The following CNTN6 variants were observed in gnomAD, a reference collection of about 807,000 sequenced individuals.
CNTN6 encodes contactin-6.
Under a neutral mutation model 122.8 loss-of-function variants are expected in CNTN6, and 137 were observed. The ratio of observed to expected loss-of-function variants is 1.12; its 90% CI spans 0.97 to 1.29. The LOEUF (loss-of-function observed/expected upper bound fraction) is 1.29. Among genes scored for constraint, CNTN6 ranks in the 50% most tolerant of loss-of-function variants. CNTN6 has a pLI of 0.00. For synonymous variants in CNTN6, 570 were observed against 426.0 expected (o/e 1.34, Z -4.16); for missense variants, 1,634 against 1,223.4 (o/e 1.34, Z -5.01).
chr3:1,375,278 A>G (rs1709697388), intron 16 of CNTN6, among the ~76,000 whole-genome samples: 1 of 152,020 alleles, frequency 6.6e-6, no homozygotes, highest in African/African-American at 2.4e-5. Flanking sequence ...TTACATTTTC[A>G]TAGCAAAGTT....
At chr3:1,356,165 A>C (rs1376192760) in intron 12 of CNTN6, among the ~76,000 whole-genome samples, 1 of 151,802 alleles carries the variant, frequency 6.6e-6, no homozygotes, top group Non-Finnish European at 1.5e-5. Flanking sequence ...TAAAAGGAGA[A>C]ATTATTTGAT....
intron 20 of CNTN6, 180 bp from the exon 21 acceptor site, chr3:1,401,253 C>A (rs890906771): frequency 7.4e-6 from 4 of 538,470 alleles, no homozygotes; most frequent in South Asian, 2.2e-5. Flanking sequence ...CCCAAATGAC[C>A]AGATTTGAAT....
At chr3:1,325,331 C>G (rs1175108082) in intron 8 of CNTN6, among the ~76,000 whole-genome samples, 1 of 151,794 alleles carries the variant, frequency 6.6e-6, no homozygotes, top group Non-Finnish European at 1.5e-5. Flanking sequence ...ACCAAAATGC[C>G]AGGAAGCTCA....
rs533155055 is a variant in CNTN6, at chr3:1,392,065, C to T, written c.2704+6268C>T. 2.7e-3 allele frequency among the ~76,000 whole-genome samples: 409 copies of T among 152,234 alleles called. 2 individuals are homozygous for T. The highest frequency in any genetic ancestry group is 8.9e-3 in the African/African-American group (369 of 41,520). ...AATTGGAAAAAACTACTTTAAAGTT[C>T]ATATGGAACCAAAAAAGAGCCCGCA... On this transcript the variant is annotated intron_variant, in intron 20 of 22. Transcript: ENST00000446702.
chr3:1,163,903 C>T (rs1157324657), intron 2 of CNTN6, among the ~76,000 whole-genome samples: 1 of 152,226 alleles, frequency 6.6e-6, no homozygotes, highest in Non-Finnish European at 1.5e-5. Context: ...ATTTAAACTA[C>T]TGCTTCTTTT....
chr3:1,352,387 A>G lies in CNTN6; in HGVS notation c.1428A>G (p.Ser476=). The change falls in exon 12 of 23, where the codon TCA becomes TCG. Residue 476 remains serine (S), a synonymous_variant. Transcript: ENST00000446702. ...ATATTACCAGGTCAGATGCTGGATCATATACATGCATAGCCACAAATCAGT... is the reference window on the plus strand; with the variant it reads ...ATATTACCAGGTCAGATGCTGGATCGTATACATGCATAGCCACAAATCAGT... ...IYNITRSDAG[S]YTCIATNQFG... 6.2e-7 allele frequency: 1 copy of G among 1,606,134 alleles called. No individual in the cohort carries two copies. Among genetic ancestry groups the G allele is most frequent in the Non-Finnish European group, 8.5e-7 (1 of 1,174,848 alleles).
chr3:1,136,542 C>T (rs1368487517), intron 1 of CNTN6, among the ~76,000 whole-genome samples: 1 of 152,148 alleles, frequency 6.6e-6, no homozygotes, highest in Admixed American at 6.5e-5. Flanking sequence ...TTTAGCCTTG[C>T]ATTTTGCATA....
chr3:1,323,746 A>G (rs1701171404), intron 8 of CNTN6, among the ~76,000 whole-genome samples: 1 of 151,802 alleles, frequency 6.6e-6, no homozygotes, highest in Non-Finnish European at 1.5e-5. Context: ...ACCAGTCAAT[A>G]TGGCAGAAAA....
chr3:1,260,557 CAAA>C (rs2094828786), intron 4 of CNTN6, among the ~76,000 whole-genome samples: 1 of 151,974 alleles, frequency 6.6e-6, no homozygotes, highest in Non-Finnish European at 1.5e-5. Context: ...TCAAATAAAA[CAAA>C]AACTGAGGTG....
intron 10 of CNTN6, among the ~76,000 whole-genome samples, chr3:1,328,688 G>A (rs1258025611): frequency 6.6e-6 from 1 of 151,752 alleles, no homozygotes; most frequent in Non-Finnish European, 1.5e-5. Flanking sequence ...AAGATCAGAA[G>A]TAAAAACATG....
intron 1 of CNTN6, among the ~76,000 whole-genome samples, chr3:1,134,003 C>CTT (rs5846090): frequency 2.1e-4 from 32 of 151,702 alleles, no homozygotes; most frequent in Admixed American, 2.0e-4. Flanking sequence ...GCCAGTTAAT[C>CTT]TTTTTTTTCA....
At chr3:1,218,110 G>A (rs955913641) in intron 2 of CNTN6, among the ~76,000 whole-genome samples, 3 of 152,148 alleles carry the variant, frequency 2.0e-5, no homozygotes, top group Non-Finnish European at 2.9e-5. Context: ...AGGCATCCAT[G>A]CAGGGCAGGG....
intron 19 of CNTN6, among the ~76,000 whole-genome samples, chr3:1,383,698 A>G (rs1692301399): frequency 6.6e-6 from 1 of 152,244 alleles, no homozygotes; most frequent in Admixed American, 6.5e-5. Context: ...CAGCAGTGTT[A>G]CAGTTTTGAA....
At position 1,258,020 on chromosome 3, in the gene CNTN6, T is replaced by G. The variant is rs574724177; in HGVS notation, c.359-20393T>G. On this transcript the variant is annotated intron_variant, in intron 4 of 22. Transcript: ENST00000446702. ...TTTTAACCTGATTTATTTGGCTATA[T>G]GTTTGCCCCCTCTGCATTTCCTATA... is the stretch of plus-strand genomic sequence containing the variant. Among the ~76,000 whole-genome samples the G allele has an allele frequency of 8.5e-5, 13 of 152,294 alleles. 1 individual carries two copies. In the East Asian group the frequency reaches 2.3e-3, roughly 27 times the overall value.
intron 4 of CNTN6, among the ~76,000 whole-genome samples, chr3:1,271,153 C>A (rs1409984236): frequency 6.6e-6 from 1 of 152,202 alleles, no homozygotes; most frequent in African/African-American, 2.4e-5. Flanking sequence ...GCTGGGATTA[C>A]AGGCTGGAGC....
intron 11 of CNTN6, among the ~76,000 whole-genome samples, chr3:1,343,067 C>G (rs1300858223): frequency 6.6e-6 from 1 of 152,126 alleles, no homozygotes; most frequent in Non-Finnish European, 1.5e-5. Context: ...TGATGAAGAA[C>G]TTTATTATGA....
At chr3:1,270,557 A>G (rs1311454564) in intron 4 of CNTN6, among the ~76,000 whole-genome samples, 2 of 152,206 alleles carry the variant, frequency 1.3e-5, no homozygotes, top group Admixed American at 6.6e-5. Context: ...AACAAAATAC[A>G]TACCTTCAAC....
intron 12 of CNTN6, among the ~76,000 whole-genome samples, chr3:1,360,503 T>C (rs1424657485): frequency 6.6e-6 from 1 of 152,082 alleles, no homozygotes; most frequent in African/African-American, 2.4e-5. Context: ...AAACTGGTAG[T>C]CTAGTTTATG....
chr3:1,181,861 G>C (rs1301588200), intron 2 of CNTN6, among the ~76,000 whole-genome samples: 2 of 152,082 alleles, frequency 1.3e-5, no homozygotes, highest in African/African-American at 4.8e-5. Flanking sequence ...CTACTGAATA[G>C]AATATTCAAT....
Sources: gnomAD v4.1 joint callset for allele counts (sites outside exome capture counted in the v4.1 genomes callset) on GRCh38, gnomAD v4.1.1 for gene constraint, MANE v1.5 for transcripts, NCBI Gene and HGNC (gene_info 2026-07-23, HGNC 2026-07-21) for gene names.